The following GTF3C1 variants were observed in gnomAD, a reference collection of about 807,000 sequenced individuals.
GTF3C1 encodes the protein general transcription factor IIIC subunit 1, also known as general transcription factor 3C polypeptide 1.
In GTF3C1, 57 loss-of-function variants were observed where a neutral mutation model predicts 226.7. That is an observed-to-expected ratio of 0.25 (90% CI 0.20 to 0.31). The LOEUF (loss-of-function observed/expected upper bound fraction) is 0.31. GTF3C1 is among the 10% of genes least tolerant of loss of function. GTF3C1 has a pLI of 1.00. For synonymous variants in GTF3C1, 1,090 were observed against 1,084.8 expected (o/e 1.00, Z -0.09); for missense variants, 2,217 against 2,776.1 (o/e 0.80, Z 4.53).
In GTF3C1 at chr16:27,465,919, T is replaced by G. The variant is rs181208355; in HGVS notation, c.5075-379A>C. On this transcript the variant is annotated intron_variant, in intron 32 of 36. Transcript: ENST00000356183. ...TGGTCCCATCCCTTCCTGCTGCTCATGTACCCACTGTTCCTTAGACCCTGT... is the reference window on the plus strand; with the variant it reads ...TGGTCCCATCCCTTCCTGCTGCTCAGGTACCCACTGTTCCTTAGACCCTGT... 328 of 265,378 alleles carry G rather than the reference T, an allele frequency of 1.2e-3. 1 individual carries two copies. Among genetic ancestry groups the G allele is most frequent in the Admixed American group, 2.9e-3 (62 of 21,148 alleles). 16.4% of individuals were successfully genotyped at this position (265,378 alleles called of 1,614,324 possible). A position where few individuals can be genotyped will look rare whatever the true frequency, so the allele number is the denominator to read the frequency against.
chr16:27,547,309 C>T (rs951797313), intron 1 of GTF3C1, among the ~76,000 whole-genome samples: 1 of 152,172 alleles, frequency 6.6e-6, no homozygotes, highest in East Asian at 1.9e-4. Context: ...TCAGTCCCTC[C>T]CTCTGGCCTG....
chr16:27,523,937 C>T (rs559685422), intron 6 of GTF3C1, among the ~76,000 whole-genome samples: 48 of 152,290 alleles, frequency 3.2e-4, no homozygotes, highest in Middle Eastern at 3.4e-3. Context: ...CATCTTGGTG[C>T]CTGCTGCCTT....
chr16:27,507,073 C>T lies in GTF3C1; in HGVS notation c.1326G>A (p.Gln442=), dbSNP rs1486245949. The part of the protein sequence containing the change: ...VFAEESDLSR[Q]YQREKARSEL... ...CGCTGCGGGCCTTCTCTCTTTGGTA[C>T]TGCCGGCTTAGGTCGCTCTCCTCTG... The change falls in exon 9 of 37, where the codon CAG becomes CAA. Residue 442 remains glutamine, a synonymous_variant. Transcript: ENST00000356183. The surrounding 1 kb of genome is among the most constrained non-coding windows in gnomAD (Gnocchi z 4.9). 1.2e-6 allele frequency: 2 copies of T among 1,613,722 alleles called. No homozygotes were observed. The highest frequency in any genetic ancestry group is 2.7e-5 in the African/African-American group (2 of 74,928).
intron 32 of GTF3C1, 89 bp from the exon 33 acceptor site, chr16:27,465,629 C>A: frequency 9.6e-7 from 1 of 1,037,318 alleles, no homozygotes. Context: ...GAAAGGCATG[C>A]TCCAGCACCA....
intron 2 of GTF3C1, among the ~76,000 whole-genome samples, chr16:27,541,052 G>T (rs2089074070): frequency 6.6e-6 from 1 of 152,114 alleles, no homozygotes; most frequent in African/African-American, 2.4e-5. Flanking sequence ...TCTTGGCCAG[G>T]CTGGTCTTGA....
chr16:27,501,997 A>C (rs1041993264), intron 11 of GTF3C1, among the ~76,000 whole-genome samples: 3 of 152,052 alleles, frequency 2.0e-5, no homozygotes, highest in African/African-American at 7.2e-5. Flanking sequence ...CAGGAGGCTG[A>C]GGCAGAAGAA....
intron 4 of GTF3C1, 26 bp downstream of exon 4, chr16:27,537,758 A>C: frequency 6.4e-7 from 1 of 1,562,396 alleles, no homozygotes; most frequent in Non-Finnish European, 8.7e-7. Flanking sequence ...TAAAAAACCT[A>C]ATGTTTTGGT....
chr16:27,500,563 G>A (rs1005113405), intron 12 of GTF3C1, among the ~76,000 whole-genome samples: 5 of 152,142 alleles, frequency 3.3e-5, no homozygotes, highest in Non-Finnish European at 5.9e-5. Flanking sequence ...AGGAAATTAC[G>A]AGTGACTGTC....
In GTF3C1 at chr16:27,497,750, C is replaced by T; in HGVS notation, c.2237G>A (p.Ser746Asn). 3 of 1,613,996 alleles carry T rather than the reference C, an allele frequency of 1.9e-6. No homozygotes were observed. Among genetic ancestry groups the T allele is most frequent in the Non-Finnish European group, 2.5e-6 (3 of 1,179,846 alleles). Residue 746 changes from serine (S) to asparagine (N), a missense_variant, in exon 14 of 37, where the codon AGT (serine) becomes AAT (asparagine). By Grantham distance (46) the Ser-to-Asn change is conservative. Coordinates refer to ENST00000356183, the MANE Select transcript of GTF3C1 (RefSeq NM_001520.4). ...ACTCAGCTGAGAGTCCCCTGATCCA[C>T]TTGGGCCCTCTTTTCCTTGACTGTC... ...EEDSQGKEGP[S>N]GSGDSQLSAS...
intron 6 of GTF3C1, among the ~76,000 whole-genome samples, chr16:27,512,184 A>T (rs1322436370): frequency 2.6e-5 from 4 of 152,204 alleles, no homozygotes; most frequent in Non-Finnish European, 4.4e-5. Context: ...ATCAATAGTC[A>T]GTCACCTTCT....
chr16:27,520,895 T>C (rs1367758821), intron 6 of GTF3C1, among the ~76,000 whole-genome samples: 1 of 152,216 alleles, frequency 6.6e-6, no homozygotes, highest in Non-Finnish European at 1.5e-5. Context: ...ATTTTTGTAT[T>C]TTTAGCAGAG....
At chr16:27,485,559 G>C (rs1453022271) in intron 24 of GTF3C1, among the ~76,000 whole-genome samples, 1 of 152,244 alleles carries the variant, frequency 6.6e-6, no homozygotes, top group Non-Finnish European at 1.5e-5. Flanking sequence ...GAGCAGGCCA[G>C]GGTTAGACTA....
Position 27,507,303 on chromosome 16 carries a change from G to T in GTF3C1, c.1243-147C>A. 1.6e-6 allele frequency: 1 copy of T among 616,828 alleles called. No homozygotes were observed. Among genetic ancestry groups the T allele is most frequent in the South Asian group, 2.0e-5 (1 of 49,264 alleles). The allele number at this position is 616,828 out of a possible 1,614,324, so 38.2% of individuals were successfully genotyped here. ...GGGCCCTGGGTTGGGCACCACTGAT[G>T]CTCCCTCCAGGCTCTTCCTCTCTGT... On this transcript the variant is annotated intron_variant, in intron 8 of 36. Coordinates refer to ENST00000356183, the MANE Select transcript of GTF3C1 (RefSeq NM_001520.4). The surrounding 1 kb of genome is among the most constrained non-coding windows in gnomAD (Gnocchi z 4.9).
At chr16:27,533,071 G>A (rs868781039) in intron 5 of GTF3C1, among the ~76,000 whole-genome samples, 32 of 152,254 alleles carry the variant, frequency 2.1e-4, no homozygotes, top group African/African-American at 6.0e-4. Flanking sequence ...GGCGAAGGCC[G>A]AAGTGAGCCA....
At chr16:27,488,726 A>G in intron 21 of GTF3C1, 91 bp from the exon 22 acceptor site, 1 of 1,089,528 alleles carries the variant, frequency 9.2e-7, no homozygotes, top group Non-Finnish European at 1.4e-6. Flanking sequence ...TCTCTTAGGA[A>G]GGTAAGGGCC....
In GTF3C1 at chr16:27,488,270, C is replaced by T. The variant is rs533509691; in HGVS notation, c.3657G>A (p.Arg1219=). 2.5e-6 allele frequency: 4 copies of T among 1,614,250 alleles called. No homozygotes were observed. Among genetic ancestry groups the T allele is most frequent in the East Asian group, 4.5e-5 (2 of 44,894 alleles). Residue 1219 remains arginine (R), a synonymous_variant, in exon 23 of 37, where the codon CGG becomes CGA. Transcript: ENST00000356183. ...VRGGKSQKRK[R]LKKDPGKKIK... is the part of the protein sequence containing the mutation. ...TCTTCTTCCCAGGGTCCTTCTTCAG[C>T]CGCTTCCGCTTCTGGCTTTTCCCAC...
intron 13 of GTF3C1, among the ~76,000 whole-genome samples, 176 bp downstream of exon 13, chr16:27,498,454 C>G (rs1320332870): frequency 2.0e-5 from 3 of 152,018 alleles, no homozygotes; most frequent in African/African-American, 7.2e-5. Flanking sequence ...TTTTTTCCCC[C>G]TAAAGAATCC....
intron 6 of GTF3C1, among the ~76,000 whole-genome samples, chr16:27,523,416 T>C (rs1398862384): frequency 1.3e-5 from 2 of 152,012 alleles, no homozygotes. Context: ...TATCTGTAAA[T>C]TTAAATGAAA....
chr16:27,496,715 T>C (rs992998809), intron 14 of GTF3C1, among the ~76,000 whole-genome samples: 1 of 152,206 alleles, frequency 6.6e-6, no homozygotes, highest in Non-Finnish European at 1.5e-5. Flanking sequence ...TCTCAGTTCT[T>C]TTAAAGGGGC....
Sources: allele counts gnomAD v4.1 joint callset (sites outside exome capture counted in the v4.1 genomes callset), GRCh38; gene constraint gnomAD v4.1.1; non-coding constraint Gnocchi (gnomAD v3.1); transcripts MANE v1.5; gene names NCBI Gene and HGNC (gene_info 2026-07-23, HGNC 2026-07-21).